IFT25: variants seen among roughly 807,000 people sequenced by gnomAD.
IFT25 encodes intraflagellar transport protein 25 homolog.
the IFT25 span, among the ~76,000 whole-genome samples, chr1:53,941,809 C>G: frequency 1.3e-5 from 2 of 152,134 alleles, no homozygotes; most frequent in Non-Finnish European, 2.9e-5. Context: ...CTATACCAAA[C>G]CTATATATTT....
At chr1:53,928,124 A>G in the IFT25 span, among the ~76,000 whole-genome samples, 2 of 152,238 alleles carry the variant, frequency 1.3e-5, no homozygotes, top group Non-Finnish European at 2.9e-5. Flanking sequence ...TGAATGATAG[A>G]TATCATCACC....
chr1:53,927,139 G>C, the IFT25 span, among the ~76,000 whole-genome samples: 1 of 152,130 alleles, frequency 6.6e-6, no homozygotes, highest in African/African-American at 2.4e-5. Context: ...TTATATTCAG[G>C]GTTTGAGGTC....
the IFT25 span, among the ~76,000 whole-genome samples, chr1:53,937,811 G>C: frequency 1.3e-5 from 2 of 152,188 alleles, no homozygotes; most frequent in African/African-American, 4.8e-5. Flanking sequence ...AATCTCCTCA[G>C]TTCTGTGTAT....
the IFT25 span, among the ~76,000 whole-genome samples, chr1:53,912,918 G>A: frequency 3.3e-5 from 5 of 152,310 alleles, no homozygotes; most frequent in African/African-American, 1.2e-4. Context: ...CTCAGGTGAG[G>A]CTGATCCTGC....
chr1:53,919,796 C>CTTT, the IFT25 span, among the ~76,000 whole-genome samples: 18,504 of 145,538 alleles, frequency 0.13, 1,460 homozygotes, highest in African/African-American at 0.23. Context: ...AACTTTTTTC[C>CTTT]TTTTTTTTTT....
chr1:53,936,268 A>C, the IFT25 span, among the ~76,000 whole-genome samples: 37 of 152,216 alleles, frequency 2.4e-4, no homozygotes, highest in African/African-American at 7.2e-4. Context: ...AGCCTAGGCA[A>C]TAGAACAAGA....
the IFT25 span, among the ~76,000 whole-genome samples, chr1:53,917,879 C>T: frequency 6.6e-6 from 1 of 152,134 alleles, no homozygotes; most frequent in Non-Finnish European, 1.5e-5. Context: ...AAATCAGCAT[C>T]CATCACGATC....
At chr1:53,934,969 A>G in the IFT25 span, among the ~76,000 whole-genome samples, 1 of 152,222 alleles carries the variant, frequency 6.6e-6, no homozygotes, top group Admixed American at 6.5e-5. Context: ...ACTGCATTCC[A>G]GCTTGGATGA....
the IFT25 span, among the ~76,000 whole-genome samples, chr1:53,926,594 T>C: frequency 6.6e-6 from 1 of 152,216 alleles, no homozygotes; most frequent in Admixed American, 6.5e-5. Flanking sequence ...TTTTAATTGG[T>C]TTATTAAAAT....
the IFT25 span, chr1:53,921,728 C>T: frequency 2.5e-6 from 4 of 1,613,742 alleles, no homozygotes; most frequent in Non-Finnish European, 3.4e-6. Flanking sequence ...AAGGCTGATA[C>T]AATAATGAAT....
the IFT25 span, chr1:53,930,239 C>T: frequency 8.6e-7 from 1 of 1,168,490 alleles, no homozygotes; most frequent in Admixed American, 3.3e-5. Flanking sequence ...AATTAAATGA[C>T]TACTGGATTC....
chr1:53,931,268 G>A, the IFT25 span, among the ~76,000 whole-genome samples: 1 of 152,298 alleles, frequency 6.6e-6, no homozygotes, highest in African/African-American at 2.4e-5. Flanking sequence ...ACAAGTGCTT[G>A]TGAACATGTT....
the IFT25 span, among the ~76,000 whole-genome samples, chr1:53,943,869 G>A: frequency 6.6e-6 from 1 of 152,154 alleles, no homozygotes; most frequent in African/African-American, 2.4e-5. Flanking sequence ...CGATCCGCCT[G>A]CCTTGGCCAC....
the IFT25 span, chr1:53,929,834 C>G: frequency 1.3e-6 from 1 of 755,332 alleles, no homozygotes; most frequent in Non-Finnish European, 1.9e-6. Flanking sequence ...CAACTGAGCT[C>G]AAGGCATTTA....
At chr1:53,945,377 G>A in the IFT25 span, among the ~76,000 whole-genome samples, 5 of 152,186 alleles carry the variant, frequency 3.3e-5, no homozygotes, top group African/African-American at 9.7e-5. Context: ...AGGGTCTAGA[G>A]GAAAAGGCGG....
At chr1:53,945,470 C>T in the IFT25 span, 4 of 152,674 alleles carry the variant, frequency 2.6e-5, no homozygotes, top group Admixed American at 6.5e-5. Flanking sequence ...TGCTCCCTTC[C>T]CACCAACATC....
the IFT25 span, chr1:53,921,674 C>T: frequency 1.9e-6 from 3 of 1,606,120 alleles, no homozygotes; most frequent in African/African-American, 2.7e-5. Flanking sequence ...TTTGAGACTA[C>T]TGTTCCTTCT....
chr1:53,928,007 T>C, the IFT25 span, among the ~76,000 whole-genome samples: 4 of 152,198 alleles, frequency 2.6e-5, no homozygotes, highest in Non-Finnish European at 5.9e-5. Context: ...GGCTATCAAT[T>C]CTGCTGGTGA....
the IFT25 span, among the ~76,000 whole-genome samples, chr1:53,924,268 C>T: frequency 6.6e-6 from 1 of 151,720 alleles, no homozygotes; most frequent in African/African-American, 2.4e-5. Flanking sequence ...TAAAAAAAAT[C>T]CCCCTTTCAA....
Sources: gnomAD v4.1 joint callset for allele counts (sites outside exome capture counted in the v4.1 genomes callset) on GRCh38, gnomAD v4.1.1 for gene constraint, MANE v1.5 for transcripts, NCBI Gene and HGNC (gene_info 2026-07-23, HGNC 2026-07-21) for gene names.